The following DCSTAMP variants were observed in gnomAD, a reference collection of about 807,000 sequenced individuals.
DCSTAMP encodes dendritic cell-specific transmembrane protein.
A neutral mutation model predicts 33.8 loss-of-function variants in DCSTAMP; 25 were observed. The observed-to-expected ratio is 0.74, with a 90% CI of 0.54 to 1.03. The LOEUF (loss-of-function observed/expected upper bound fraction) is 1.03, where lower values mean the gene tolerates loss of function less well. DCSTAMP is among the 50% of genes least tolerant of loss of function. DCSTAMP has a pLI of 0.00. For missense variants in DCSTAMP, 531 were observed against 556.8 expected, an observed-to-expected ratio of 0.95 and a Z score of 0.47; for synonymous variants, 245 against 216.7, an observed-to-expected ratio of 1.13 and a Z score of -1.15.
chr8:104,347,241 C>A (rs1191944960), intron 1 of DCSTAMP, among the ~76,000 whole-genome samples: 2 of 152,060 alleles, frequency 1.3e-5, no homozygotes, highest in Non-Finnish European at 2.9e-5. Context: ...ATCTCAGTGA[C>A]AAAAAATAAA....
chr8:104,351,440 A>G (rs1389509500), intron 2 of DCSTAMP, among the ~76,000 whole-genome samples: 4 of 152,240 alleles, frequency 2.6e-5, no homozygotes, highest in Non-Finnish European at 4.4e-5. Context: ...TGCTTGGGAA[A>G]GAATTCAAGA....
At chr8:104,354,283 G>A (rs1226589253) in intron 2 of DCSTAMP, among the ~76,000 whole-genome samples, 1 of 152,088 alleles carries the variant, frequency 6.6e-6, no homozygotes, top group Non-Finnish European at 1.5e-5. Context: ...TCCCCCCTAA[G>A]CTCCAGAAGG....
At chr8:104,351,434 T>C (rs1412539096) in intron 2 of DCSTAMP, among the ~76,000 whole-genome samples, 1 of 152,158 alleles carries the variant, frequency 6.6e-6, no homozygotes, top group Non-Finnish European at 1.5e-5. Context: ...TGGCTTTGCT[T>C]GGGAAAGAAT....
At chr8:104,356,007 T>C (rs1810616803) in intron 3 of DCSTAMP, 117 bp from the exon 4 acceptor site, 2 of 846,658 alleles carry the variant, frequency 2.4e-6, no homozygotes, top group Non-Finnish European at 3.7e-6. Flanking sequence ...GCTTGTCTAT[T>C]TCAGTCTTTT....
chr8:104,351,281 G>A (rs533686249), intron 2 of DCSTAMP, among the ~76,000 whole-genome samples: 7 of 152,186 alleles, frequency 4.6e-5, no homozygotes, highest in Non-Finnish European at 8.8e-5. Context: ...AAATTGCCAG[G>A]CTGAATGACG....
At position 104,355,131 on chromosome 8, in the gene DCSTAMP, A is replaced by G; in HGVS notation, c.1284A>G (p.Arg428=). Reference sequence around the variant, plus strand: ...TGCATGCAAAGCTGCTTAAAAAAAGATCAAAGCAGCCGCTGGGAGAAGTCA... The same window carrying G: ...TGCATGCAAAGCTGCTTAAAAAAAGGTCAAAGCAGCCGCTGGGAGAAGTCA... The part of the protein sequence containing the change: ...QYLHAKLLKK[R]SKQPLGEVKR... Residue 428 remains arginine (R), a synonymous_variant, in exon 3 of 4, where the codon AGA becomes AGG. Coordinates refer to ENST00000297581, the MANE Select transcript of DCSTAMP (RefSeq NM_030788.4). 1.2e-6 allele frequency: 2 copies of G among 1,614,120 alleles called. No homozygotes were observed.
In DCSTAMP at chr8:104,356,362, C is replaced by G; in HGVS notation, c.*164C>G. 1 of 546,976 alleles carries G rather than the reference C, an allele frequency of 1.8e-6. No homozygotes were observed. Among genetic ancestry groups the G allele is most frequent in the East Asian group, 3.5e-5 (1 of 28,582 alleles). The allele number at this position is 546,976 out of a possible 1,614,324, so 33.9% of individuals were successfully genotyped here. A position where few individuals can be genotyped will look rare whatever the true frequency, so the allele number is the denominator to read the frequency against. The stretch of plus-strand genomic sequence containing the variant: ...AGCACCTGGTTATGCCTCCTTTCAT[C>G]TCAAAGCCAAAGAGCTGCCAGGTAA... On this transcript the variant is annotated 3_prime_UTR_variant, in exon 4 of 4. Transcript: ENST00000297581.
chr8:104,340,111 G>A (rs2099382499), intron 1 of DCSTAMP, among the ~76,000 whole-genome samples: 1 of 152,122 alleles, frequency 6.6e-6, no homozygotes, highest in African/African-American at 2.4e-5. Context: ...TTCACTTTAT[G>A]AATCCCCTCA....
chr8:104,347,777 C>T (rs1810351633), intron 1 of DCSTAMP, among the ~76,000 whole-genome samples: 1 of 152,104 alleles, frequency 6.6e-6, no homozygotes, highest in Admixed American at 6.5e-5. Context: ...AAAATGGCCC[C>T]CTCAGAGTTG....
intron 2 of DCSTAMP, 61 bp from the exon 3 acceptor site, chr8:104,354,812 TGAGA>T (rs1246083867): frequency 8.9e-7 from 1 of 1,120,894 alleles, no homozygotes; most frequent in African/African-American, 1.6e-5. Context: ...AGGGAAGTAC[TGAGA>T]AAGACAAGAA....
At position 104,354,646 on chromosome 8, in the gene DCSTAMP, T is replaced by C. The variant is rs544551710; in HGVS notation, c.1030-231T>C. 7.9e-5 allele frequency among the ~76,000 whole-genome samples: 12 copies of C among 152,364 alleles called. No individual in the cohort carries two copies. In the East Asian group the frequency reaches 2.3e-3, roughly 29 times the overall value. The stretch of plus-strand genomic sequence containing the variant: ...AATACACTTCTCTCAAGGGAATCTT[T>C]ACTGTATTTCTACAAACCCATTTCA... On this transcript the variant is annotated intron_variant, in intron 2 of 3. Coordinates refer to ENST00000297581, the MANE Select transcript of DCSTAMP (RefSeq NM_030788.4).
Position 104,349,311 on chromosome 8 carries a change from G to T in DCSTAMP, c.759G>T (p.Gln253His), listed in dbSNP as rs752973542. Residue 253 changes from glutamine to histidine, a missense_variant, in exon 2 of 4, where the codon CAG becomes CAT. Transcript: ENST00000297581. ...ENIYITRQFV[Q>H]FDERERHQQR... ...TCTACATCACCAGACAATTTGTTCA[G>T]TTTGATGAAAGGGAGAGACATCAAC... 3.1e-6 allele frequency: 5 copies of T among 1,614,188 alleles called. No homozygotes were observed. The Admixed American group carries it at 8.3e-5, about 27-fold the overall frequency.
chr8:104,352,804 G>GT (rs1810501582), intron 2 of DCSTAMP, among the ~76,000 whole-genome samples: 1 of 152,174 alleles, frequency 6.6e-6, no homozygotes, highest in Non-Finnish European at 1.5e-5. Flanking sequence ...TGGAACAGAT[G>GT]TGAGTACGAG....
chr8:104,349,852 C>A (rs777038520), intron 2 of DCSTAMP, among the ~76,000 whole-genome samples: 32 of 152,164 alleles, frequency 2.1e-4, no homozygotes, highest in Non-Finnish European at 4.3e-4. Context: ...GAAGTTTATT[C>A]TTGGATAGTT....
chr8:104,354,088 C>T (rs1810543944), intron 2 of DCSTAMP, among the ~76,000 whole-genome samples: 1 of 152,154 alleles, frequency 6.6e-6, no homozygotes, highest in African/African-American at 2.4e-5. Flanking sequence ...CTGCTGAGGG[C>T]AACTGGCTTA....
Position 104,349,294 on chromosome 8 carries a change from A to G in DCSTAMP, c.742A>G (p.Thr248Ala). Reference protein sequence around the residue: ...CGWKYENIYITRQFVQFDERE... With the variant: ...CGWKYENIYIARQFVQFDERE... ...TTGGAAGTATGAAAACATCTACATC[A>G]CCAGACAATTTGTTCAGTTTGATGA... Residue 248 changes from threonine (T) to alanine (A), a missense_variant, in exon 2 of 4, where the codon ACC becomes GCC. Transcript: ENST00000297581. 2 of 1,614,128 alleles carry G rather than the reference A, an allele frequency of 1.2e-6. No individual in the cohort carries two copies. The highest frequency in any genetic ancestry group is 2.7e-5 in the African/African-American group (2 of 75,026).
At chr8:104,339,821 G>A (rs1181175458), upstream of DCSTAMP, 1 of 152,138 alleles carries the variant, frequency 6.6e-6, no homozygotes, top group Non-Finnish European at 1.5e-5. Flanking sequence ...CAGCCCTTGG[G>A]AAGTGCATTT....
rs372371044 is a variant in DCSTAMP at position 104,348,071 on chromosome 8, C to T, written c.-12-470C>T. ...TCTAAAGCTGAAAGAGGCAAGGAAT[C>T]AAGTTCTCCCCCAGTGCCTCCTGAA... On this transcript the variant is annotated intron_variant, in intron 1 of 3. Transcript: ENST00000297581. Among the ~76,000 whole-genome samples the T allele has an allele frequency of 1.4e-3, 219 of 152,288 alleles. 1 individual carries two copies. The highest frequency in any genetic ancestry group is 4.8e-3 in the African/African-American group (199 of 41,552).
At chr8:104,355,441 A>G (rs1335524584) in intron 3 of DCSTAMP, among the ~76,000 whole-genome samples, 1 of 152,214 alleles carries the variant, frequency 6.6e-6, no homozygotes, top group Non-Finnish European at 1.5e-5. Flanking sequence ...CAGTCATTGT[A>G]GAGAGGCGAC....
Sources: allele counts gnomAD v4.1 joint callset (sites outside exome capture counted in the v4.1 genomes callset), GRCh38; gene constraint gnomAD v4.1.1; transcripts MANE v1.5; gene names NCBI Gene and HGNC (gene_info 2026-07-23, HGNC 2026-07-21).